DENND1A: variants seen among roughly 807,000 people sequenced by gnomAD.
DENND1A encodes the protein DENN domain-containing protein 1A.
DENND1A carries 51 observed loss-of-function variants against 113.7 expected under a neutral mutation model. The observed-to-expected ratio is 0.45, with a 90% CI of 0.36 to 0.57. The LOEUF is 0.57. Ranked by LOEUF, DENND1A falls within the 20% of genes least tolerant of loss-of-function variation. The pLI is 0.00. For missense variants in DENND1A, 1,258 were observed against 1,395.9 expected (o/e 0.90, Z 1.57); for synonymous variants, 565 against 570.8 (o/e 0.99, Z 0.14).
At position 123,800,879 on chromosome 9, in the gene DENND1A, A is replaced by G. The variant is rs1834534349; in HGVS notation, c.89-8249T>C. ...TTGCTAAACAAATAGAGTAAATAAA[A>G]ACACAGAGAAAATGTCTTCCTACTT... is the stretch of plus-strand genomic sequence containing the variant. On this transcript the variant is annotated intron_variant, in intron 2 of 23. Coordinates refer to ENST00000394215, the MANE Select transcript of DENND1A (RefSeq NM_001352964.2). Among the ~76,000 whole-genome samples, 5 of 152,230 alleles carry G rather than the reference A, an allele frequency of 3.3e-5. No homozygotes were observed. The South Asian group carries it at 1.0e-3, about 31-fold the overall frequency.
chr9:123,744,264 C>T (rs1011257084), intron 5 of DENND1A, among the ~76,000 whole-genome samples: 1 of 152,154 alleles, frequency 6.6e-6, no homozygotes, highest in African/African-American at 2.4e-5. Context: ...GATCACATCA[C>T]ATATAAAAAT....
At chr9:123,531,478 G>A (rs528016192) in intron 13 of DENND1A, among the ~76,000 whole-genome samples, 24 of 149,262 alleles carry the variant, frequency 1.6e-4, no homozygotes, top group South Asian at 4.2e-4. Flanking sequence ...AATTACCACC[G>A]ACCTTTCACC....
intron 11 of DENND1A, among the ~76,000 whole-genome samples, chr9:123,596,410 T>A (rs2059694520): frequency 6.6e-6 from 1 of 152,238 alleles, no homozygotes; most frequent in South Asian, 2.1e-4. Flanking sequence ...TATTTTATAT[T>A]TACCTATATT....
intron 5 of DENND1A, among the ~76,000 whole-genome samples, chr9:123,735,032 A>C (rs992961991): frequency 6.6e-6 from 1 of 152,158 alleles, no homozygotes; most frequent in East Asian, 1.9e-4. Context: ...GGAGATGCTC[A>C]TGGAGATGTT....
At chr9:123,476,261 C>T (rs1382942500) in intron 13 of DENND1A, among the ~76,000 whole-genome samples, 2 of 151,916 alleles carry the variant, frequency 1.3e-5, no homozygotes, top group African/African-American at 4.8e-5. Context: ...CAGGGATTTC[C>T]GTATATGAGA....
chr9:123,631,294 T>G (rs982171385), intron 9 of DENND1A, among the ~76,000 whole-genome samples: 1 of 152,142 alleles, frequency 6.6e-6, no homozygotes, highest in Non-Finnish European at 1.5e-5. Flanking sequence ...TTATTTTTAT[T>G]CTGATCAGGA....
chr9:123,892,935 T>G (rs563719838), intron 1 of DENND1A, among the ~76,000 whole-genome samples: 1 of 151,938 alleles, frequency 6.6e-6, no homozygotes, highest in Non-Finnish European at 1.5e-5. Flanking sequence ...GGAGCCGAGA[T>G]CGCGCCACTG....
intron 12 of DENND1A, among the ~76,000 whole-genome samples, chr9:123,582,501 G>T (rs1185397023): frequency 6.6e-6 from 1 of 151,634 alleles, no homozygotes; most frequent in Non-Finnish European, 1.5e-5. Flanking sequence ...CTGGGTTCAA[G>T]CAATTCTCCT....
chr9:123,595,279 G>A (rs1046783629), intron 11 of DENND1A, among the ~76,000 whole-genome samples: 5 of 152,060 alleles, frequency 3.3e-5, no homozygotes, highest in Admixed American at 1.3e-4. Flanking sequence ...ACAAGTCCAG[G>A]GATTCTCAAG....
At chr9:123,428,498 G>C (rs2045905807) in intron 19 of DENND1A, among the ~76,000 whole-genome samples, 1 of 152,166 alleles carries the variant, frequency 6.6e-6, no homozygotes. Context: ...GCACAAGACA[G>C]GGATGCCCTC....
At chr9:123,592,277 T>C (rs10986066) in intron 11 of DENND1A, among the ~76,000 whole-genome samples, 23,875 of 152,202 alleles carry the variant, frequency 0.16, 2,143 homozygotes, top group African/African-American at 0.24. Context: ...TAAGTCTCTA[T>C]TATTATACTC....
chr9:123,559,187 G>A (rs2057596662), intron 12 of DENND1A, among the ~76,000 whole-genome samples: 1 of 152,196 alleles, frequency 6.6e-6, no homozygotes, highest in African/African-American at 2.4e-5. Context: ...AAGAACCCTG[G>A]CTTCGGTGGC....
chr9:123,885,679 T>C (rs1417618745), intron 1 of DENND1A, among the ~76,000 whole-genome samples: 3 of 152,254 alleles, frequency 2.0e-5, no homozygotes, highest in Non-Finnish European at 4.4e-5. Flanking sequence ...TCTGGGAGAA[T>C]GAAGGCTGAG....
chr9:123,763,949 A>C lies in DENND1A; in HGVS notation c.182+5565T>G, dbSNP rs557044744. The stretch of plus-strand genomic sequence containing the variant: ...AAAATAGAGAATCAGAAAGCAACTG[A>C]GTGGTGGTTATTATTTTTAGGATGA... On this transcript the variant is annotated intron_variant, in intron 4 of 23. Coordinates refer to ENST00000394215, the MANE Select transcript of DENND1A (RefSeq NM_001352964.2). Among the ~76,000 whole-genome samples the C allele has an allele frequency of 2.0e-5, 3 of 152,284 alleles. No homozygotes were observed. The South Asian group carries it at 6.2e-4, about 32-fold the overall frequency.
intron 10 of DENND1A, among the ~76,000 whole-genome samples, chr9:123,621,680 A>C (rs2060971777): frequency 6.6e-6 from 1 of 152,206 alleles, no homozygotes; most frequent in Non-Finnish European, 1.5e-5. Context: ...AAGCCAGGTG[A>C]GGGCCAGACA....
chr9:123,684,177 A>C (rs2064656329), intron 5 of DENND1A, among the ~76,000 whole-genome samples: 1 of 152,164 alleles, frequency 6.6e-6, no homozygotes, highest in Non-Finnish European at 1.5e-5. Context: ...CAGGCTGATG[A>C]CAATCATCTG....
chr9:123,631,584 G>A (rs1033725694), intron 9 of DENND1A, among the ~76,000 whole-genome samples: 9 of 152,112 alleles, frequency 5.9e-5, no homozygotes, highest in Non-Finnish European at 1.2e-4. Flanking sequence ...TCCCAAGAAA[G>A]TCCTCCAAAT....
chr9:123,382,546 C>G lies in DENND1A; in HGVS notation c.2099G>C (p.Trp700Ser), dbSNP rs755911964. 4 of 1,613,880 alleles carry G rather than the reference C, an allele frequency of 2.5e-6. No homozygotes were observed. The highest frequency in any genetic ancestry group is 3.4e-6 in the Non-Finnish European group (4 of 1,179,988). The change falls in exon 24 of 24, where the codon TGG becomes TCG. Residue 700 changes from tryptophan to serine, a missense_variant. Physicochemically the swap from Trp to Ser is radical, Grantham distance 177. This residue lies in a region of DENND1A where 1,159 missense variants were observed against 1,231.7 expected (regional missense o/e 0.94). Coordinates refer to ENST00000394215, the MANE Select transcript of DENND1A (RefSeq NM_001352964.2). ...LKLTHPYNKL[W>S]SLGQDDMAIP... ...GGCCATGTCGTCCTGGCCCAGGCTC[C>G]AGAGCTTGTTGTACGGGTGGGTAAG...
chr9:123,848,337 T>A (rs1842911246), intron 2 of DENND1A, among the ~76,000 whole-genome samples: 1 of 151,078 alleles, frequency 6.6e-6, no homozygotes, highest in South Asian at 2.1e-4. Context: ...TTTTTTGCAA[T>A]ATTTCAAACT....
Sources: gnomAD v4.1 joint callset for allele counts (sites outside exome capture counted in the v4.1 genomes callset) on GRCh38, gnomAD v4.1.1 for gene constraint, gnomAD v4.1.1 regional missense constraint, MANE v1.5 for transcripts, NCBI Gene and HGNC (gene_info 2026-07-23, HGNC 2026-07-21) for gene names.